Variants in RSRC1 observed in about 807,000 individuals in gnomAD.
RSRC1 encodes the protein serine/Arginine-related protein 53.
A neutral mutation model predicts 49.1 loss-of-function variants in RSRC1; 39 were observed. That is an observed-to-expected ratio of 0.79 (90% CI 0.61 to 1.04). The LOEUF is 1.04. Among genes scored for constraint, RSRC1 ranks in the 50% least tolerant of loss-of-function variants. The pLI is 0.00. For synonymous variants in RSRC1, 143 were observed against 130.8 expected (o/e 1.09, Z -0.63); for missense variants, 388 against 402.4 (o/e 0.96, Z 0.31).
intron 4 of RSRC1, among the ~76,000 whole-genome samples, chr3:158,272,322 G>A (rs1472871460): frequency 3.3e-5 from 5 of 152,052 alleles, no homozygotes; most frequent in African/African-American, 1.2e-4. Flanking sequence ...GTTAACTCTT[G>A]ACAGTTACCG....
intron 3 of RSRC1, among the ~76,000 whole-genome samples, chr3:158,144,869 C>A (rs1350492053): frequency 6.6e-6 from 1 of 152,134 alleles, no homozygotes; most frequent in Non-Finnish European, 1.5e-5. Flanking sequence ...TTTGATTTGC[C>A]TTTCTCTGAT....
intron 7 of RSRC1, among the ~76,000 whole-genome samples, chr3:158,536,665 T>C (rs1214894532): frequency 6.6e-6 from 1 of 151,510 alleles, no homozygotes; most frequent in African/African-American, 2.4e-5. Flanking sequence ...CTGGGATTTA[T>C]TTTTAAATAT....
At chr3:158,259,357 T>C (rs548157368) in intron 4 of RSRC1, among the ~76,000 whole-genome samples, 45 of 152,306 alleles carry the variant, frequency 3.0e-4, no homozygotes, top group African/African-American at 1.1e-3. Context: ...TGGTGGTCTT[T>C]GGTAAGATGC....
At chr3:158,296,943 A>C (rs2108115657) in intron 4 of RSRC1, among the ~76,000 whole-genome samples, 1 of 152,144 alleles carries the variant, frequency 6.6e-6, no homozygotes, top group East Asian at 1.9e-4. Context: ...AAAATGGAGA[A>C]ATTTGGAAGC....
intron 4 of RSRC1, among the ~76,000 whole-genome samples, chr3:158,256,320 A>G (rs1268215963): frequency 1.3e-5 from 2 of 152,136 alleles, no homozygotes; most frequent in African/African-American, 4.8e-5. Flanking sequence ...CGAGATAATA[A>G]TGTGGTTTTT....
At position 158,316,988 on chromosome 3, in the gene RSRC1, A is replaced by G. The variant is rs529705872; in HGVS notation, c.531+18913A>G. Reference sequence around the variant, plus strand: ...GCTACAGTAAAAATCACTTTCTGCCAGAATATTGAACATGAGTACAGCAGC... The same window carrying G: ...GCTACAGTAAAAATCACTTTCTGCCGGAATATTGAACATGAGTACAGCAGC... On this transcript the variant is annotated intron_variant, in intron 5 of 9. Transcript: ENST00000611884. 2.6e-5 allele frequency among the ~76,000 whole-genome samples: 4 copies of G among 152,344 alleles called. No homozygotes were observed. In the South Asian group the frequency reaches 6.2e-4, roughly 24 times the overall value.
At chr3:158,395,557 C>G (rs1733567150) in intron 6 of RSRC1, among the ~76,000 whole-genome samples, 1 of 151,924 alleles carries the variant, frequency 6.6e-6, no homozygotes, top group South Asian at 2.1e-4. Flanking sequence ...ATACATGCAC[C>G]CAACAAGTAC....
intron 3 of RSRC1, among the ~76,000 whole-genome samples, chr3:158,185,936 T>C (rs1191470395): frequency 6.6e-6 from 1 of 152,022 alleles, no homozygotes; most frequent in African/African-American, 2.4e-5. Flanking sequence ...TAGGCTGATA[T>C]TCCAGATGTA....
chr3:158,412,218 AGAAAT>A (rs1734500140), intron 6 of RSRC1, among the ~76,000 whole-genome samples: 1 of 152,134 alleles, frequency 6.6e-6, no homozygotes, highest in African/African-American at 2.4e-5. Flanking sequence ...TTTGGTGAAA[AGAAAT>A]GAGAGAGAAG....
Position 158,156,165 on chromosome 3 carries a change from A to G in RSRC1, c.320+32174A>G, listed in dbSNP as rs139466515. 2.3e-4 allele frequency among the ~76,000 whole-genome samples: 35 copies of G among 152,004 alleles called. No homozygotes were observed. The East Asian group carries it at 6.4e-3, about 28-fold the overall frequency. On this transcript the variant is annotated intron_variant, in intron 3 of 9. Transcript: ENST00000611884. The stretch of plus-strand genomic sequence containing the variant: ...TACTTGCTGCAGGTCCTCTATCAGC[A>G]CGTACTGCTTCACCTTGTACTTTAA...
intron 3 of RSRC1, among the ~76,000 whole-genome samples, chr3:158,182,283 A>C (rs550992892): frequency 6.6e-6 from 1 of 152,170 alleles, no homozygotes; most frequent in Non-Finnish European, 1.5e-5. Context: ...AAATTTTTCA[A>C]GTTAATTACA....
chr3:158,382,877 C>G (rs1732773629), intron 6 of RSRC1, among the ~76,000 whole-genome samples: 1 of 152,056 alleles, frequency 6.6e-6, no homozygotes, highest in Non-Finnish European at 1.5e-5. Context: ...AATGCTGAAA[C>G]TAAAGACAGA....
chr3:158,298,002 T>TTAG, intron 4 of RSRC1, 37 bp from the exon 5 acceptor site: 1 of 1,485,548 alleles, frequency 6.7e-7, no homozygotes, highest in Non-Finnish European at 9.4e-7. Flanking sequence ...AGACAAGGAT[T>TTAG]TAGCAACTAT....
Position 158,360,483 on chromosome 3 carries a change from G to T in RSRC1, c.583+5575G>T, listed in dbSNP as rs564729045. On this transcript the variant is annotated intron_variant, in intron 6 of 9. Coordinates refer to ENST00000611884, the MANE Select transcript of RSRC1 (RefSeq NM_001271838.2). ...CCCAGGAGACCTTCTGCCTCCTGCC[G>T]CCATCCATGACACACAGGCTGCTTG... Among the ~76,000 whole-genome samples, 3 of 152,238 alleles carry T rather than the reference G, an allele frequency of 2.0e-5. No individual in the cohort carries two copies. In the South Asian group the frequency reaches 6.2e-4, roughly 32 times the overall value.
At position 158,515,046 on chromosome 3, in the gene RSRC1, A is replaced by C. The variant is rs570782189; in HGVS notation, c.653-22046A>C. ...GAGATGGGTTTCCTGAATACAGCAC[A>C]CTGATGGGTCTTGACTCTTTATCCA... On this transcript the variant is annotated intron_variant, in intron 7 of 9. Transcript: ENST00000611884. 5.3e-5 allele frequency among the ~76,000 whole-genome samples: 8 copies of C among 150,232 alleles called. No homozygotes were observed. The South Asian group carries it at 1.3e-3, about 24-fold the overall frequency.
chr3:158,470,361 C>CAT (rs59508977), intron 7 of RSRC1, among the ~76,000 whole-genome samples: 1,877 of 100,248 alleles, frequency 0.019, 41 homozygotes, highest in African/African-American at 0.048. Context: ...CACACACACA[C>CAT]ATATATATAT....
intron 3 of RSRC1, among the ~76,000 whole-genome samples, chr3:158,194,364 A>G (rs1232374912): frequency 6.6e-6 from 1 of 151,808 alleles, no homozygotes; most frequent in Non-Finnish European, 1.5e-5. Context: ...AGGAAGGAAG[A>G]AATTTCTTTT....
At chr3:158,162,367 A>T (rs1718282145) in intron 3 of RSRC1, among the ~76,000 whole-genome samples, 1 of 152,120 alleles carries the variant, frequency 6.6e-6, no homozygotes, top group Non-Finnish European at 1.5e-5. Context: ...CTTTTTCAAT[A>T]ACTGGGGGAG....
chr3:158,542,089 T>C (rs1713063447), intron 8 of RSRC1, among the ~76,000 whole-genome samples: 1 of 152,150 alleles, frequency 6.6e-6, no homozygotes, highest in Admixed American at 6.5e-5. Flanking sequence ...TATATATATT[T>C]TAATATTTTA....
Sources: gnomAD v4.1 joint callset for allele counts (sites outside exome capture counted in the v4.1 genomes callset) on GRCh38, gnomAD v4.1.1 for gene constraint, MANE v1.5 for transcripts, NCBI Gene and HGNC (gene_info 2026-07-23, HGNC 2026-07-21) for gene names.